The following AXL variants were observed in gnomAD, a reference collection of about 807,000 sequenced individuals.
AXL encodes the protein AXL receptor tyrosine kinase.
Under a neutral mutation model 104.5 loss-of-function variants are expected in AXL, and 52 were observed. The ratio of observed to expected loss-of-function variants is 0.50; its 90% CI spans 0.40 to 0.63. AXL has a LOEUF of 0.63. Ranked by LOEUF, AXL falls within the 20% of genes least tolerant of loss-of-function variation. The probability of loss-of-function intolerance (pLI) is 0.00; values close to 1 mark genes in which losing one functional copy is unlikely to be tolerated. For missense variants in AXL, 1,024 were observed against 1,188.5 expected (o/e 0.86, Z 2.04); for synonymous variants, 455 against 473.7 (o/e 0.96, Z 0.51).
In AXL at chr19:41,237,980, G is replaced by A. The variant is rs780282463; in HGVS notation, c.820G>A (p.Gly274Arg). The A allele has an allele frequency of 1.2e-6, 2 of 1,613,926 alleles. No homozygotes were observed. The highest frequency in any genetic ancestry group is 1.7e-5 in the Admixed American group (1 of 59,966). The change falls in exon 7 of 20, where the codon GGA (glycine) becomes AGA (arginine). Residue 274 changes from glycine to arginine, a missense_variant. Around this residue, in one of 5 missense-constraint regions of AXL, gnomAD observed 332 missense variants for 343.9 expected, o/e 0.97. Transcript: ENST00000301178. ...LSDDGMGIQAGEPDPPEEPLT... is the reference protein window; with the variant it reads ...LSDDGMGIQAREPDPPEEPLT... Reference sequence around the variant, plus strand: ...AGACGATGGGATGGGCATCCAGGCGGGAGAACCAGACCCCCCAGAGGAGCC... The same window carrying A: ...AGACGATGGGATGGGCATCCAGGCGAGAGAACCAGACCCCCCAGAGGAGCC...
chr19:41,259,559 C>T lies in AXL; in HGVS notation c.2340C>T (p.Ala780=), dbSNP rs1321407386. ...CCTCATTTTGCTGCCCTAGGTATGCCTTGATGTCGCGGTGCTGGGAGCTAA... is the reference window on the plus strand; with the variant it reads ...CCTCATTTTGCTGCCCTAGGTATGCTTTGATGTCGCGGTGCTGGGAGCTAA... ...QPADCLDGLY[A]LMSRCWELNP... The change falls in exon 20 of 20, where the codon GCC becomes GCT. Residue 780 remains alanine, a synonymous_variant. Transcript: ENST00000301178. 8 of 1,600,616 alleles carry T rather than the reference C, an allele frequency of 5.0e-6. No homozygotes were observed. The South Asian group carries it at 7.9e-5, about 16-fold the overall frequency.
In AXL at chr19:41,239,582, CT is replaced by C. The variant is rs2034144940; in HGVS notation, c.1286-111del. 3.8e-6 allele frequency: 5 copies of C among 1,331,808 alleles called. No homozygotes were observed. In the African/African-American group the frequency reaches 1.0e-4, roughly 28 times the overall value. The allele number at this position is 1,331,808 out of a possible 1,614,324, so 82.5% of individuals were successfully genotyped here. Reference sequence around the variant, plus strand: ...CCCGTGCCAAACCTTCACTCCCTTACTCGTGCCACACCCTCACTCCCTTACC... The same window carrying C: ...CCCGTGCCAAACCTTCACTCCCTTACCGTGCCACACCCTCACTCCCTTACC... On this transcript the variant is annotated intron_variant, in intron 9 of 19. Transcript: ENST00000301178.
intron 4 of AXL, among the ~76,000 whole-genome samples, chr19:41,223,152 A>G (rs1445697439): frequency 3.4e-5 from 5 of 146,038 alleles, no homozygotes; most frequent in East Asian, 2.1e-4. Context: ...AAAATTAGCC[A>G]GGCGTGGTGA....
intron 6 of AXL, 90 bp from the exon 7 acceptor site, chr19:41,237,854 A>C: frequency 8.0e-7 from 1 of 1,243,600 alleles, no homozygotes; most frequent in Non-Finnish European, 1.2e-6. Flanking sequence ...AAAGTTGTGT[A>C]GTCACACCAG....
chr19:41,220,887 C>G (rs372947399), intron 2 of AXL, 29 bp downstream of exon 2: 172 of 1,607,136 alleles, frequency 1.1e-4, no homozygotes, highest in Non-Finnish European at 1.4e-4. Flanking sequence ...GAATCCCACT[C>G]CCACCTCCGT....
In AXL at chr19:41,220,641, C is replaced by G. The variant is rs754682210; in HGVS notation, c.91C>G (p.Gln31Glu). Reference protein sequence around the residue: ...GWACMAPRGTQAEESPFVGNP... With the variant: ...GWACMAPRGTEAEESPFVGNP... ...TCTTCCCATCTCCCCTCCAGGCACG[C>G]AGGCTGAAGAAAGTCCCTTCGTGGG... is the stretch of plus-strand genomic sequence containing the variant. The change falls in exon 2 of 20, where the codon CAG becomes GAG. Residue 31 changes from glutamine (Q) to glutamate (E), a missense_variant. Gln to Glu is a conservative substitution (Grantham distance 29). This residue lies in a region of AXL where 124 missense variants were observed against 115.5 expected (regional missense o/e 1.07). Coordinates refer to ENST00000301178, the MANE Select transcript of AXL (RefSeq NM_021913.5). 6.4e-7 allele frequency: 1 copy of G among 1,573,988 alleles called. No individual in the cohort carries two copies. Among genetic ancestry groups the G allele is most frequent in the Non-Finnish European group, 8.6e-7 (1 of 1,159,524 alleles).
At chr19:41,252,563 A>G in intron 15 of AXL, 120 bp downstream of exon 15, 1 of 1,179,252 alleles carries the variant, frequency 8.5e-7, no homozygotes, top group Non-Finnish European at 1.2e-6. Flanking sequence ...CCGCTCCTTC[A>G]GGGTCAGCAG....
chr19:41,227,523 T>C (rs977153620), intron 4 of AXL, among the ~76,000 whole-genome samples: 6 of 150,344 alleles, frequency 4.0e-5, no homozygotes, highest in Non-Finnish European at 7.4e-5. Flanking sequence ...TCTCTCTCTG[T>C]CGCCCAGGCT....
chr19:41,221,130 C>G lies in AXL; in HGVS notation c.309-16C>G. On this transcript the variant is annotated splice_polypyrimidine_tract_variant and intron_variant, in intron 2 of 19. Transcript: ENST00000301178. Reference sequence around the variant, plus strand: ...TCTGACCCTGAACCTCTCTGTCTCTCCTCTTGCCCTGTCAGAATCACCTCC... The same window carrying G: ...TCTGACCCTGAACCTCTCTGTCTCTGCTCTTGCCCTGTCAGAATCACCTCC... 1 of 1,611,046 alleles carries G rather than the reference C, an allele frequency of 6.2e-7. No individual in the cohort carries two copies. Among genetic ancestry groups the G allele is most frequent in the Non-Finnish European group, 8.5e-7 (1 of 1,177,990 alleles).
intron 14 of AXL, among the ~76,000 whole-genome samples, chr19:41,249,267 CAT>C (rs1182572465): frequency 4.0e-5 from 6 of 151,656 alleles, no homozygotes; most frequent in Non-Finnish European, 2.9e-5. Flanking sequence ...GGTGAAACCA[CAT>C]GTCTATGAAA....
rs2034401469 is a variant in AXL, at chr19:41,253,542, G to A, written c.1927-57G>A. The A allele has an allele frequency of 7.1e-6, 9 of 1,261,266 alleles. No individual in the cohort carries two copies. The South Asian group carries it at 1.0e-4, about 14-fold the overall frequency. 78.1% of individuals were successfully genotyped at this position (1,261,266 alleles called of 1,614,324 possible). ...GGCTTGCACAGAGGGATGGAGGGAG[G>A]AGGGATCGCATCAAGGACTCTGTTG... On this transcript the variant is annotated intron_variant, in intron 16 of 19. Coordinates refer to ENST00000301178, the MANE Select transcript of AXL (RefSeq NM_021913.5).
At position 41,243,726 on chromosome 19, in the gene AXL, C is replaced by T. The variant is rs765782149; in HGVS notation, c.1537+19C>T. The T allele has an allele frequency of 7.5e-6, 12 of 1,603,422 alleles. No individual in the cohort carries two copies. In the Admixed American group the frequency reaches 2.0e-4, roughly 27 times the overall value. ...GCTACCTGTAAGTGAACCCTATGCC[C>T]CACTGCCCTGGCCTGGATCTAAAGG... On this transcript the variant is annotated intron_variant, in intron 12 of 19. Transcript: ENST00000301178.
At position 41,260,290 on chromosome 19, in the gene AXL, A is replaced by G. The variant is rs1177128934; in HGVS notation, c.*386A>G. 10 of 150,834 alleles carry G rather than the reference A, an allele frequency of 6.6e-5. No individual in the cohort carries two copies. In the East Asian group the frequency reaches 1.1e-3, roughly 16 times the overall value. 9.3% of individuals were successfully genotyped at this position (150,834 alleles called of 1,614,324 possible). On this transcript the variant is annotated 3_prime_UTR_variant, in exon 20 of 20. Transcript: ENST00000301178. ...AATTCTATTAAAGTGCTAAGGTTCTAAGGCCTACTTTTTTTTTTTTTTTTT... is the reference window on the plus strand; with the variant it reads ...AATTCTATTAAAGTGCTAAGGTTCTGAGGCCTACTTTTTTTTTTTTTTTTT...
Position 41,256,822 on chromosome 19 carries a change from G to A in AXL, c.2196+211G>A, listed in dbSNP as rs573786927. Reference sequence around the variant, plus strand: ...ATGCCCAGGATAAATACAGGCCCACGTGTGCATGGTAGCAATGTAGACAGT... The same window carrying A: ...ATGCCCAGGATAAATACAGGCCCACATGTGCATGGTAGCAATGTAGACAGT... On this transcript the variant is annotated intron_variant, in intron 18 of 19. Transcript: ENST00000301178. 4.6e-5 allele frequency among the ~76,000 whole-genome samples: 7 copies of A among 152,206 alleles called. No individual in the cohort carries two copies. In the South Asian group the frequency reaches 1.2e-3, roughly 27 times the overall value.
chr19:41,252,767 G>A (rs968530675), intron 15 of AXL, 79 bp from the exon 16 acceptor site: 1 of 1,595,728 alleles, frequency 6.3e-7, no homozygotes, highest in Non-Finnish European at 8.5e-7. Flanking sequence ...GTGAGAAGGA[G>A]AGGCTGGAGG....
intron 4 of AXL, among the ~76,000 whole-genome samples, chr19:41,223,149 G>C: frequency 6.6e-6 from 1 of 151,648 alleles, no homozygotes; most frequent in African/African-American, 2.4e-5. Flanking sequence ...ACAAAAATTA[G>C]CCAGGCGTGG....
Position 41,242,987 on chromosome 19 carries a change from C to T in AXL, c.1417C>T (p.His473Tyr), listed in dbSNP as rs1413047582. ...CCTCATCTTGGCTCTCTTCCTTGTC[C>T]ACCGGCGAAAGAAGGAGACCCGTTA... Reference protein sequence around the residue: ...CVLILALFLVHRRKKETRYGE... With the variant: ...CVLILALFLVYRRKKETRYGE... Residue 473 changes from histidine to tyrosine, a missense_variant, in exon 11 of 20, where the codon CAC becomes TAC. His to Tyr is a moderately conservative substitution (Grantham distance 83). This residue lies in a region of AXL where 523 missense variants were observed against 636.0 expected (regional missense o/e 0.82). Transcript: ENST00000301178. 2 of 1,614,192 alleles carry T rather than the reference C, an allele frequency of 1.2e-6. No individual in the cohort carries two copies. Among genetic ancestry groups the T allele is most frequent in the Admixed American group, 3.3e-5 (2 of 60,026 alleles).
At chr19:41,226,775 G>T (rs1250974860) in intron 4 of AXL, 2 of 985,558 alleles carry the variant, frequency 2.0e-6, no homozygotes, top group African/African-American at 1.7e-5. Context: ...TAAACAACAC[G>T]CAGAACTGCA....
chr19:41,259,890 G>C lies in AXL; in HGVS notation c.2671G>C (p.Glu891Gln), dbSNP rs376230166. 1.5e-5 allele frequency: 23 copies of C among 1,580,346 alleles called. No individual in the cohort carries two copies. In the African/African-American group the frequency reaches 2.8e-4, roughly 19 times the overall value. The change falls in exon 20 of 20, where the codon GAG (glutamate) becomes CAG (glutamine). Residue 891 changes from glutamate (E) to glutamine (Q), a missense_variant. Coordinates refer to ENST00000301178, the MANE Select transcript of AXL (RefSeq NM_021913.5). ...GGGCTCCCCAGCAGCCCCAGGGCAG[G>C]AGGATGGTGCCTGAGACAACCCTCC... ...DRGSPAAPGQ[E>Q]DGA
Sources: allele counts gnomAD v4.1 joint callset (sites outside exome capture counted in the v4.1 genomes callset), GRCh38; gene constraint gnomAD v4.1.1; regional missense constraint gnomAD v4.1.1; transcripts MANE v1.5; gene names NCBI Gene and HGNC (gene_info 2026-07-23, HGNC 2026-07-21).